The following NSUN3 variants were observed in gnomAD, a reference collection of about 807,000 sequenced individuals.
NSUN3 encodes tRNA (cytosine(34)-C(5))-methyltransferase, mitochondrial.
A neutral mutation model predicts 36.8 loss-of-function variants in NSUN3; 24 were observed. The observed-to-expected ratio is 0.65, with a 90% CI of 0.47 to 0.92. The LOEUF is 0.92. NSUN3 is among the 40% of genes least tolerant of loss of function. The pLI is 0.00. For missense variants in NSUN3, 381 were observed against 392.8 expected (o/e 0.97, Z 0.25); for synonymous variants, 146 against 145.2 (o/e 1.01, Z -0.04).
At chr3:94,097,522 T>C (rs1366601504) in intron 5 of NSUN3, among the ~76,000 whole-genome samples, 1 of 152,228 alleles carries the variant, frequency 6.6e-6, no homozygotes, top group Non-Finnish European at 1.5e-5. Flanking sequence ...GTTTGTTTAC[T>C]TTTATAAACC....
intron 5 of NSUN3, among the ~76,000 whole-genome samples, chr3:94,110,466 C>A (rs772641047): frequency 1.1e-4 from 17 of 152,062 alleles, no homozygotes; most frequent in Non-Finnish European, 2.5e-4. Flanking sequence ...TGGATTTCAA[C>A]ACACAGAGAG....
Position 94,063,104 on chromosome 3 carries a change from G to T in NSUN3, c.-23G>T. The T allele has an allele frequency of 1.2e-6, 2 of 1,614,108 alleles. No homozygotes were observed. The highest frequency in any genetic ancestry group is 8.5e-7 in the Non-Finnish European group (1 of 1,180,002). Reference sequence around the variant, plus strand: ...TGATACTGATTCGCGTACACCTGTTGTTTGAAAGCTCTCAGCGGGACAATG... The same window carrying T: ...TGATACTGATTCGCGTACACCTGTTTTTTGAAAGCTCTCAGCGGGACAATG... On this transcript the variant is annotated 5_prime_UTR_variant, in exon 1 of 6. Transcript: ENST00000314622.
intron 2 of NSUN3, among the ~76,000 whole-genome samples, chr3:94,078,536 G>T (rs553869157): frequency 3.3e-5 from 5 of 152,132 alleles, no homozygotes; most frequent in Admixed American, 1.3e-4. Context: ...TGACAGCGGG[G>T]TGTTAAAGTC....
At chr3:94,082,414 C>T (rs1041989988) in intron 2 of NSUN3, among the ~76,000 whole-genome samples, 1 of 152,114 alleles carries the variant, frequency 6.6e-6, no homozygotes, top group African/African-American at 2.4e-5. Flanking sequence ...GAACCTCTTT[C>T]TTAAGGAAAG....
Position 94,130,955 on chromosome 3 carries a change from C to T in NSUN3, c.*4465C>T, listed in dbSNP as rs748261378. Among the ~76,000 whole-genome samples the T allele has an allele frequency of 2.7e-4, 41 of 152,176 alleles. No individual in the cohort carries two copies. Among genetic ancestry groups the T allele is most frequent in the African/African-American group, 9.4e-4 (39 of 41,510 alleles). On this transcript the variant is annotated 3_prime_UTR_variant, in exon 6 of 6. Coordinates refer to ENST00000314622, the MANE Select transcript of NSUN3 (RefSeq NM_022072.5). ...TTTAGTTCCTCCCACTGTCCCCAAC[C>T]CAGCTAGAGTGCAGTGGTGTCATCA...
chr3:94,106,737 G>A (rs974537820), intron 5 of NSUN3, among the ~76,000 whole-genome samples: 2 of 151,940 alleles, frequency 1.3e-5, no homozygotes. Context: ...ATAGAAACAG[G>A]GTGAAATGAT....
At chr3:94,080,733 T>C (rs2077265002) in intron 2 of NSUN3, among the ~76,000 whole-genome samples, 1 of 152,168 alleles carries the variant, frequency 6.6e-6, no homozygotes, top group South Asian at 2.1e-4. Context: ...CAAGCCTCAG[T>C]AATGGCGGAC....
chr3:94,120,092 G>A (rs952810757), intron 5 of NSUN3, among the ~76,000 whole-genome samples: 5 of 152,160 alleles, frequency 3.3e-5, no homozygotes, highest in Admixed American at 1.3e-4. Context: ...ATGTACTTTT[G>A]TACAGCTTTA....
At chr3:94,107,388 A>G (rs1269806437) in intron 5 of NSUN3, among the ~76,000 whole-genome samples, 1 of 152,034 alleles carries the variant, frequency 6.6e-6, no homozygotes, top group Admixed American at 6.6e-5. Context: ...CCTGGGCCCA[A>G]GTGATCCTCT....
chr3:94,105,463 C>CT (rs1700474739), intron 5 of NSUN3, among the ~76,000 whole-genome samples: 2 of 152,160 alleles, frequency 1.3e-5, no homozygotes, highest in East Asian at 3.9e-4. Context: ...GCTTTTATTT[C>CT]TTTTTTAGTC....
At chr3:94,064,582 C>A in intron 2 of NSUN3, 36 bp downstream of exon 2, 2 of 1,278,752 alleles carry the variant, frequency 1.6e-6, no homozygotes, top group Non-Finnish European at 2.3e-6. Context: ...TATGATGGAA[C>A]AAAGTACAAT....
intron 3 of NSUN3, among the ~76,000 whole-genome samples, chr3:94,086,544 T>C (rs1383945810): frequency 6.6e-6 from 1 of 152,220 alleles, no homozygotes; most frequent in African/African-American, 2.4e-5. Context: ...TTTATACTTT[T>C]ATATGAGAGC....
intron 5 of NSUN3, among the ~76,000 whole-genome samples, chr3:94,120,418 C>T (rs1048554550): frequency 6.6e-6 from 1 of 152,304 alleles, no homozygotes; most frequent in East Asian, 1.9e-4. Flanking sequence ...AGCACTAACT[C>T]TTCATTCCCT....
intron 5 of NSUN3, among the ~76,000 whole-genome samples, chr3:94,125,889 G>A (rs570596858): frequency 5.9e-5 from 9 of 152,130 alleles, no homozygotes; most frequent in Admixed American, 1.3e-4. Context: ...GTGAAACCCC[G>A]TCTCTACTAA....
At chr3:94,086,595 C>T (rs753804111) in intron 3 of NSUN3, among the ~76,000 whole-genome samples, 4 of 152,104 alleles carry the variant, frequency 2.6e-5, no homozygotes, top group South Asian at 2.1e-4. Context: ...TTATGAGAAA[C>T]GTGAATCCAG....
rs150061818 is a variant in NSUN3 at position 94,129,273 on chromosome 3, T to C, written c.*2783T>C. On this transcript the variant is annotated 3_prime_UTR_variant, in exon 6 of 6. Coordinates refer to ENST00000314622, the MANE Select transcript of NSUN3 (RefSeq NM_022072.5). ...AACCTAACCGCCCATCAGCAGTTGA[T>C]TGAATAAAGGAAATGTGGTACATAT... is the stretch of plus-strand genomic sequence containing the variant. Among the ~76,000 whole-genome samples the C allele has an allele frequency of 1.1e-4, 16 of 152,256 alleles. No homozygotes were observed. In the East Asian group the frequency reaches 2.7e-3, roughly 26 times the overall value.
At chr3:94,091,932 T>C (rs2077316677) in intron 3 of NSUN3, among the ~76,000 whole-genome samples, 1 of 152,204 alleles carries the variant, frequency 6.6e-6, no homozygotes, top group African/African-American at 2.4e-5. Context: ...TTCCAGAGAC[T>C]GGAGAAACCC....
chr3:94,091,494 G>A (rs1033207684), intron 3 of NSUN3, among the ~76,000 whole-genome samples: 1 of 152,160 alleles, frequency 6.6e-6, no homozygotes. Flanking sequence ...ACCATCATTG[G>A]CTATATAAGA....
intron 2 of NSUN3, among the ~76,000 whole-genome samples, chr3:94,077,573 T>G (rs1300720451): frequency 6.6e-6 from 1 of 152,156 alleles, no homozygotes; most frequent in African/African-American, 2.4e-5. Context: ...GGTCCTGGAC[T>G]TTTTTTGGTT....
Sources: gnomAD v4.1 joint callset for allele counts (sites outside exome capture counted in the v4.1 genomes callset) on GRCh38, gnomAD v4.1.1 for gene constraint, MANE v1.5 for transcripts, NCBI Gene and HGNC (gene_info 2026-07-23, HGNC 2026-07-21) for gene names.